Variants in TOX2 observed in about 807,000 individuals in gnomAD.
TOX2 encodes granulosa cell HMG box 1.
In TOX2, 15 loss-of-function variants were observed where a neutral mutation model predicts 47.4. The ratio of observed to expected loss-of-function variants is 0.32; its 90% CI spans 0.21 to 0.49. The LOEUF is 0.49. TOX2 is among the 20% of genes least tolerant of loss of function. TOX2 has a pLI of 0.99. For synonymous variants in TOX2, 290 were observed against 296.6 expected, an observed-to-expected ratio of 0.98 and a Z score of 0.23; for missense variants, 622 against 673.1, an observed-to-expected ratio of 0.92 and a Z score of 0.84.
At chr20:43,963,328 C>T (rs1457858547) in intron 1 of TOX2, among the ~76,000 whole-genome samples, 1 of 152,178 alleles carries the variant, frequency 6.6e-6, no homozygotes, top group Non-Finnish European at 1.5e-5. Context: ...GGGGTGGGGA[C>T]AAGGGTCCTG....
At chr20:43,993,943 A>T (rs1326438104) in intron 2 of TOX2, among the ~76,000 whole-genome samples, 1 of 152,158 alleles carries the variant, frequency 6.6e-6, no homozygotes, top group Admixed American at 6.5e-5. Flanking sequence ...GCTTGAGGCC[A>T]GGAGTTTGAG....
rs544693598 is a variant in TOX2 at position 43,952,193 on chromosome 20, G to A, written c.100-21174G>A. On this transcript the variant is annotated intron_variant, in intron 1 of 8. Transcript: ENST00000341197. ...TGGAATTACAGGCGTGAGCCACTGC[G>A]CCCAGCAGAAAAGTAATTTTTTTTT... Among the ~76,000 whole-genome samples the A allele has an allele frequency of 5.1e-4, 78 of 152,062 alleles. 1 individual carries two copies. The highest frequency in any genetic ancestry group is 1.8e-3 in the African/African-American group (73 of 41,474).
intron 2 of TOX2, among the ~76,000 whole-genome samples, chr20:43,975,779 C>T (rs1321092465): frequency 6.6e-6 from 1 of 152,020 alleles, no homozygotes; most frequent in Non-Finnish European, 1.5e-5. Flanking sequence ...TGATTTCCAC[C>T]CTAAACTGTG....
intron 6 of TOX2, 148 bp downstream of exon 6, chr20:44,065,005 A>G: frequency 1.5e-6 from 1 of 668,532 alleles, no homozygotes; most frequent in Non-Finnish European, 2.5e-6. Context: ...CAGGGCACCT[A>G]CAGCATGCCA....
intron 1 of TOX2, among the ~76,000 whole-genome samples, chr20:43,967,773 T>C (rs569290748): frequency 1.2e-4 from 19 of 152,278 alleles, no homozygotes; most frequent in Non-Finnish European, 2.2e-4. Flanking sequence ...TGAGTTAAAC[T>C]TAATTTTGAT....
chr20:44,054,847 G>T (rs1343653668), intron 5 of TOX2, among the ~76,000 whole-genome samples: 6 of 152,226 alleles, frequency 3.9e-5, no homozygotes, highest in Non-Finnish European at 5.9e-5. Context: ...AAAGTCTGGA[G>T]TCCAGGCCAG....
chr20:43,971,688 A>G (rs1489643880), intron 1 of TOX2, among the ~76,000 whole-genome samples: 1 of 152,206 alleles, frequency 6.6e-6, no homozygotes, highest in Non-Finnish European at 1.5e-5. Flanking sequence ...AAAACTAGAA[A>G]CAATGCAACT....
chr20:43,957,567 C>CTTTG lies in TOX2; in HGVS notation c.100-15797_100-15796insGTTT, dbSNP rs773464627. ...TTACCTGGCATAAAGTAAATGCCCT[C>CTTTG]TTTTTTTTTTTTTTTTTTTTGGCTT... On this transcript the variant is annotated intron_variant, in intron 1 of 8. Coordinates refer to ENST00000341197, the MANE Select transcript of TOX2 (RefSeq NM_001098797.2). Among the ~76,000 whole-genome samples, 494 of 105,784 alleles carry CTTTG rather than the reference C, an allele frequency of 4.7e-3. 8 individuals are homozygous for CTTTG. The highest frequency in any genetic ancestry group is 0.015 in the African/African-American group (458 of 30,506). 69.4% of individuals were successfully genotyped at this position (105,784 alleles called of 152,430 possible).
intron 3 of TOX2, among the ~76,000 whole-genome samples, chr20:44,022,214 G>A (rs2145654519): frequency 6.6e-6 from 1 of 152,286 alleles, no homozygotes; most frequent in Admixed American, 6.5e-5. Context: ...CAGAATTAAT[G>A]TCACTGGCCT....
chr20:44,044,517 A>C (rs2071384224), intron 3 of TOX2, among the ~76,000 whole-genome samples: 1 of 152,124 alleles, frequency 6.6e-6, no homozygotes, highest in Non-Finnish European at 1.5e-5. Context: ...GGGATCAATT[A>C]TATCCCTACC....
rs150609762 is a variant in TOX2, at chr20:43,988,594, C to T, written c.165+15162C>T. ...GCACACACAAATGAGATTTTAGTTT[C>T]CGTTTATTTGCTTAATGGCTGCTTT... On this transcript the variant is annotated intron_variant, in intron 2 of 8. Transcript: ENST00000341197. Among the ~76,000 whole-genome samples, 372 of 152,324 alleles carry T rather than the reference C, an allele frequency of 2.4e-3. 5 individuals carry two copies. The highest frequency in any genetic ancestry group is 8.1e-3 in the African/African-American group (337 of 41,564).
At chr20:43,951,548 G>A (rs2069566660) in intron 1 of TOX2, among the ~76,000 whole-genome samples, 1 of 151,954 alleles carries the variant, frequency 6.6e-6, no homozygotes, top group African/African-American at 2.4e-5. Flanking sequence ...TTGCAATCCA[G>A]CCTGGGCAAC....
At chr20:43,927,510 C>T (rs1000170804) in intron 1 of TOX2, among the ~76,000 whole-genome samples, 11 of 128,852 alleles carry the variant, frequency 8.5e-5, no homozygotes, top group Non-Finnish European at 1.6e-4. Context: ...CACACACACA[C>T]ATCATGAGAT....
At chr20:43,955,467 G>C (rs1321246758) in intron 1 of TOX2, among the ~76,000 whole-genome samples, 1 of 152,230 alleles carries the variant, frequency 6.6e-6, no homozygotes, top group Non-Finnish European at 1.5e-5. Context: ...AGGGCAGGGT[G>C]AGCCGAGGTA....
intron 1 of TOX2, among the ~76,000 whole-genome samples, chr20:43,962,310 G>A (rs142113844): frequency 2.0e-5 from 3 of 152,358 alleles, no homozygotes; most frequent in Non-Finnish European, 4.4e-5. Flanking sequence ...ACTGGGATGG[G>A]ACTCACTGGT....
intron 1 of TOX2, among the ~76,000 whole-genome samples, chr20:43,917,273 G>A (rs1254350411): frequency 6.6e-6 from 1 of 152,154 alleles, no homozygotes; most frequent in Non-Finnish European, 1.5e-5. Flanking sequence ...TGGGGGGTAG[G>A]GCCAGGCTGT....
chr20:43,949,310 C>T (rs1008881379), intron 1 of TOX2, among the ~76,000 whole-genome samples: 4 of 152,214 alleles, frequency 2.6e-5, no homozygotes, highest in Non-Finnish European at 5.9e-5. Context: ...TATTACTTGT[C>T]ACCGGGATGA....
In TOX2 at chr20:43,978,763, TTGTGTG is replaced by T. The variant is rs9305120; in HGVS notation, c.165+5361_165+5366del. 7.3e-3 allele frequency among the ~76,000 whole-genome samples: 1,069 copies of T among 146,584 alleles called. 10 individuals carry two copies. The highest frequency in any genetic ancestry group is 0.024 in the African/African-American group (957 of 40,000). On this transcript the variant is annotated intron_variant, in intron 2 of 8. Coordinates refer to ENST00000341197, the MANE Select transcript of TOX2 (RefSeq NM_001098797.2). ...TTTTTACAGGAATTATTGAAAGAAC[TTGTGTG>T]TGTGTGTGTGTGTGTGTGTGTGTGT...
At chr20:44,009,415 T>G (rs1012989433) in intron 3 of TOX2, among the ~76,000 whole-genome samples, 3 of 152,192 alleles carry the variant, frequency 2.0e-5, no homozygotes, top group African/African-American at 4.8e-5. Context: ...AAGAGTTCAA[T>G]GAAAATGGAT....
Sources: allele counts gnomAD v4.1 joint callset (sites outside exome capture counted in the v4.1 genomes callset), GRCh38; gene constraint gnomAD v4.1.1; transcripts MANE v1.5; gene names NCBI Gene and HGNC (gene_info 2026-07-23, HGNC 2026-07-21).